The following KIDINS220 variants were observed in gnomAD, a reference collection of about 807,000 sequenced individuals.
KIDINS220 encodes the protein kinase D-interacting substrate of 220 kDa.
Under a neutral mutation model 157.6 loss-of-function variants are expected in KIDINS220, and 63 were observed. The observed-to-expected ratio is 0.40, with a 90% CI of 0.33 to 0.49. The LOEUF is 0.49. Among genes scored for constraint, KIDINS220 ranks in the 20% least tolerant of loss-of-function variants. KIDINS220 has a pLI of 0.66. For missense variants in KIDINS220, 1,772 were observed against 2,171.2 expected, an observed-to-expected ratio of 0.82 and a Z score of 3.65; for synonymous variants, 732 against 783.6, an observed-to-expected ratio of 0.93 and a Z score of 1.10.
At chr2:8,799,804 G>A (rs372225084) in intron 9 of KIDINS220, among the ~76,000 whole-genome samples, 2 of 152,128 alleles carry the variant, frequency 1.3e-5, no homozygotes, top group Non-Finnish European at 2.9e-5. Flanking sequence ...AAATGAAGAC[G>A]CCAAGAACTT....
intron 22 of KIDINS220, chr2:8,757,709 G>T: frequency 6.2e-7 from 1 of 1,612,432 alleles, no homozygotes. Flanking sequence ...GCTTTTCTCA[G>T]CTCTCCATCA....
At position 8,760,679 on chromosome 2, in the gene KIDINS220, G is replaced by A. The variant is rs891926064; in HGVS notation, c.3012-9035C>T. Reference sequence around the variant, plus strand: ...TTTAAACCAATTTAGGATTGTAACAGTTGTCCACAATTCTCCAATTTTAAT... The same window carrying A: ...TTTAAACCAATTTAGGATTGTAACAATTGTCCACAATTCTCCAATTTTAAT... On this transcript the variant is annotated intron_variant, in intron 22 of 29. Transcript: ENST00000256707. Among the ~76,000 whole-genome samples, 47 of 152,172 alleles carry A rather than the reference G, an allele frequency of 3.1e-4. 1 individual carries two copies. Among genetic ancestry groups the A allele is most frequent in the African/African-American group, 1.1e-3 (47 of 41,438 alleles).
intron 21 of KIDINS220, among the ~76,000 whole-genome samples, 184 bp from the exon 22 acceptor site, chr2:8,771,016 A>G (rs895023688): frequency 7.2e-5 from 11 of 152,204 alleles, no homozygotes; most frequent in African/African-American, 2.7e-4. Context: ...TAAAGCTTTT[A>G]GGGCTTAAAC....
chr2:8,740,979 CTTTCT>C (rs767952791), intron 26 of KIDINS220, among the ~76,000 whole-genome samples: 29 of 152,112 alleles, frequency 1.9e-4, no homozygotes, highest in Non-Finnish European at 3.2e-4. Context: ...CGTTTGATGT[CTTTCT>C]TTTAACATAT....
chr2:8,736,816 T>G, intron 27 of KIDINS220, 52 bp downstream of exon 27: 4 of 1,603,802 alleles, frequency 2.5e-6, no homozygotes, highest in Non-Finnish European at 3.4e-6. Flanking sequence ...CACACAGTCC[T>G]GTCTTCCGCC....
chr2:8,806,113 A>G (rs932635445), intron 7 of KIDINS220, among the ~76,000 whole-genome samples, 158 bp downstream of exon 7: 2 of 152,200 alleles, frequency 1.3e-5, no homozygotes, highest in African/African-American at 4.8e-5. Context: ...TGTTTATAAT[A>G]TAACATTCTT....
At chr2:8,767,599 T>C (rs1202927108) in intron 22 of KIDINS220, among the ~76,000 whole-genome samples, 2 of 151,876 alleles carry the variant, frequency 1.3e-5, no homozygotes, top group South Asian at 2.1e-4. Context: ...GGCCAAATGA[T>C]GGCGGGGAAG....
At chr2:8,752,602 G>A (rs535975144) in intron 22 of KIDINS220, among the ~76,000 whole-genome samples, 18 of 152,102 alleles carry the variant, frequency 1.2e-4, no homozygotes, top group South Asian at 2.1e-4. Flanking sequence ...ACACAACTAC[G>A]AAAGCAAATC....
At position 8,764,237 on chromosome 2, in the gene KIDINS220, T is replaced by C. The variant is rs1669142316; in HGVS notation, c.3011+6433A>G. ...GAATAAAATAATAGACTTTAGAGAC[T>C]CAGAAGGGACAGGATGGGAGGAAGG... On this transcript the variant is annotated intron_variant, in intron 22 of 29. Transcript: ENST00000256707. Among the ~76,000 whole-genome samples, 5 of 151,842 alleles carry C rather than the reference T, an allele frequency of 3.3e-5. 1 individual carries two copies. In the South Asian group the frequency reaches 1.0e-3, roughly 32 times the overall value.
intron 21 of KIDINS220, among the ~76,000 whole-genome samples, chr2:8,775,229 T>C (rs1670806634): frequency 1.3e-5 from 2 of 152,206 alleles, no homozygotes; most frequent in African/African-American, 4.8e-5. Flanking sequence ...ATTGACACCA[T>C]TAGATGTCAA....
At chr2:8,766,041 G>A (rs16866790) in intron 22 of KIDINS220, among the ~76,000 whole-genome samples, 320 of 152,136 alleles carry the variant, frequency 2.1e-3, no homozygotes, top group Non-Finnish European at 3.7e-3. Context: ...CACTGATACA[G>A]CAAATAGGCC....
intron 6 of KIDINS220, among the ~76,000 whole-genome samples, chr2:8,807,909 G>A (rs149280311): frequency 3.1e-4 from 47 of 152,286 alleles, no homozygotes; most frequent in African/African-American, 1.1e-3. Context: ...ATCACCTGAG[G>A]TCAGGAGTTT....
At chr2:8,787,516 G>A (rs112732361) in intron 15 of KIDINS220, among the ~76,000 whole-genome samples, 7 of 151,558 alleles carry the variant, frequency 4.6e-5, no homozygotes, top group African/African-American at 1.5e-4. Context: ...CTACAGGCAC[G>A]CACCACCACA....
chr2:8,816,763 G>C (rs1037940882), intron 4 of KIDINS220, among the ~76,000 whole-genome samples: 1 of 152,138 alleles, frequency 6.6e-6, no homozygotes, highest in Non-Finnish European at 1.5e-5. Flanking sequence ...TCACTGCAAC[G>C]TACTTAAGTT....
At chr2:8,723,085 A>T (rs1663050809), downstream of KIDINS220, 1 of 152,208 alleles carries the variant, frequency 6.6e-6, no homozygotes, top group Admixed American at 6.5e-5. Flanking sequence ...CCTGTGGGGA[A>T]TCCTCATCAG....
In KIDINS220 at chr2:8,743,484, C is replaced by G. The variant is rs1387997145; in HGVS notation, c.3585+3661G>C. The stretch of plus-strand genomic sequence containing the variant: ...TCCTTGAATCAGACCTGAGGCAGGT[C>G]TGCTTTTCCCAGTGAGAAAGCTGAG... On this transcript the variant is annotated intron_variant, in intron 26 of 29. Transcript: ENST00000256707. Among the ~76,000 whole-genome samples, 3 of 152,182 alleles carry G rather than the reference C, an allele frequency of 2.0e-5. No homozygotes were observed. The East Asian group carries it at 5.8e-4, about 29-fold the overall frequency.
intron 1 of KIDINS220, among the ~76,000 whole-genome samples, chr2:8,831,942 C>CGTTT (rs1277587682): frequency 6.6e-6 from 1 of 152,246 alleles, no homozygotes; most frequent in Non-Finnish European, 1.5e-5. Flanking sequence ...AATGCCCAAA[C>CGTTT]ATCTTCCTAT....
intron 2 of KIDINS220, among the ~76,000 whole-genome samples, chr2:8,820,204 C>T (rs1397562196): frequency 6.6e-6 from 1 of 152,190 alleles, no homozygotes; most frequent in African/African-American, 2.4e-5. Flanking sequence ...ATTCCCACCT[C>T]CTTACTGATC....
chr2:8,736,962 T>G lies in KIDINS220; in HGVS notation c.3623A>C (p.Asn1208Thr), dbSNP rs746048937. ...GPAPGPVVLL[N>T]SLNVDAVCEK... Reference sequence around the variant, plus strand: ...ACATACTGCATCCACATTCAGTGAATTCAGTAATACCACTGGGCCTGGGGC... The same window carrying G: ...ACATACTGCATCCACATTCAGTGAAGTCAGTAATACCACTGGGCCTGGGGC... The change falls in exon 27 of 30, where the codon AAT becomes ACT. Residue 1208 changes from asparagine to threonine, a missense_variant. This residue lies in a region of KIDINS220 where 793 missense variants were observed against 885.5 expected (regional missense o/e 0.90). Transcript: ENST00000256707. 3.7e-6 allele frequency: 6 copies of G among 1,614,168 alleles called. No individual in the cohort carries two copies. The highest frequency in any genetic ancestry group is 5.1e-6 in the Non-Finnish European group (6 of 1,180,010).
Sources: gnomAD v4.1 joint callset for allele counts (sites outside exome capture counted in the v4.1 genomes callset) on GRCh38, gnomAD v4.1.1 for gene constraint, gnomAD v4.1.1 regional missense constraint, MANE v1.5 for transcripts, NCBI Gene and HGNC (gene_info 2026-07-23, HGNC 2026-07-21) for gene names.